ATP2B1: variants seen among roughly 807,000 people sequenced by gnomAD.
The protein encoded by ATP2B1 is plasma membrane calcium-transporting ATPase 1.
In ATP2B1, 14 loss-of-function variants were observed where a neutral mutation model predicts 124.2. The observed-to-expected ratio is 0.11, with a 90% confidence interval of 0.07 to 0.18. ATP2B1 has a LOEUF of 0.18. Among genes scored for constraint, ATP2B1 ranks in the 10% least tolerant of loss-of-function variants. The probability of loss-of-function intolerance (pLI) is 1.00; values close to 1 mark genes in which losing one functional copy is unlikely to be tolerated. For synonymous variants in ATP2B1, 449 were observed against 492.4 expected (o/e 0.91, Z 1.17); for missense variants, 763 against 1,466.1 (o/e 0.52, Z 7.83).
intron 12 of ATP2B1, among the ~76,000 whole-genome samples, chr12:89,613,407 T>A (rs1330987335): frequency 2.0e-5 from 3 of 152,196 alleles, no homozygotes; most frequent in Non-Finnish European, 2.9e-5. Flanking sequence ...TCTTAGTGAT[T>A]CAAATCATTG....
At chr12:89,705,535 T>C (rs1892348357) in intron 1 of ATP2B1, among the ~76,000 whole-genome samples, 1 of 152,132 alleles carries the variant, frequency 6.6e-6, no homozygotes, top group African/African-American at 2.4e-5. Context: ...AGAAGACCAA[T>C]AGTTATAAGT....
chr12:89,654,280 A>C (rs550712037), intron 2 of ATP2B1, among the ~76,000 whole-genome samples: 2 of 152,216 alleles, frequency 1.3e-5, no homozygotes, highest in Non-Finnish European at 2.9e-5. Context: ...ATTCAAGTCC[A>C]TGGGAACTGT....
intron 2 of ATP2B1, among the ~76,000 whole-genome samples, chr12:89,643,191 T>C (rs1001522230): frequency 6.6e-6 from 1 of 150,742 alleles, no homozygotes; most frequent in Non-Finnish European, 1.5e-5. Flanking sequence ...TGTATGTATA[T>C]ATGTATATAT....
In ATP2B1 at chr12:89,661,654, A is replaced by G. The variant is rs1239403582; in HGVS notation, c.-221-5547T>C. On this transcript the variant is annotated intron_variant, in intron 1 of 20. Transcript: ENST00000428670. ...TACTGACACCCTGACCATTAGATGC[A>G]CCATTTGACTAACAAAGAACTAAAA... Among the ~76,000 whole-genome samples the G allele has an allele frequency of 3.3e-5, 5 of 152,202 alleles. No individual in the cohort carries two copies. The East Asian group carries it at 7.7e-4, about 23-fold the overall frequency.
rs758301733 is a variant in ATP2B1 at position 89,603,700 on chromosome 12, C to T, written c.2848+12G>A. On this transcript the variant is annotated intron_variant, in intron 17 of 20. Coordinates refer to ENST00000428670, the MANE Select transcript of ATP2B1 (RefSeq NM_001366521.1). The surrounding 1 kb of genome is among the most constrained non-coding windows in gnomAD (Gnocchi z 4.3). The stretch of plus-strand genomic sequence containing the variant: ...CAATTAACTGAAGCTTTATTAGACA[C>T]TGAATTCTTACCAGCAAATAAGAGT... 1.4e-5 allele frequency: 22 copies of T among 1,605,682 alleles called. No homozygotes were observed. Among genetic ancestry groups the T allele is most frequent in the Non-Finnish European group, 1.7e-5 (20 of 1,172,572 alleles).
chr12:89,709,361 C>T (rs894988510), upstream of ATP2B1: 10 of 151,778 alleles, frequency 6.6e-5, no homozygotes, highest in Non-Finnish European at 7.4e-5. Context: ...AGCGCGGTCA[C>T]GTGACGCGAT....
intron 2 of ATP2B1, among the ~76,000 whole-genome samples, chr12:89,650,229 C>A (rs990306383): frequency 6.6e-6 from 1 of 152,180 alleles, no homozygotes; most frequent in Admixed American, 6.5e-5. Flanking sequence ...CAAGAAAGTA[C>A]ATAAAAATTT....
At chr12:89,601,883 C>A (rs968320894) in intron 18 of ATP2B1, among the ~76,000 whole-genome samples, 3 of 151,962 alleles carry the variant, frequency 2.0e-5, no homozygotes, top group African/African-American at 7.3e-5. Flanking sequence ...GAAAAATGCA[C>A]AATATTAAAA....
rs753203651 is a variant in ATP2B1, at chr12:89,611,246, G to A, written c.2194C>T (p.Leu732=). 57 of 1,610,812 alleles carry A rather than the reference G, an allele frequency of 3.5e-5. No homozygotes were observed. In the South Asian group the frequency reaches 5.9e-4, roughly 17 times the overall value. Residue 732 remains leucine (L), a synonymous_variant, in exon 13 of 21, where the codon CTG becomes TTG. Transcript: ENST00000428670. The part of the protein sequence containing the change: ...CGILHPGEDF[L]CLEGKDFNRR... ...TTAAAATCTTTACCTTCTAGGCACA[G>A]AAAATCTTCCCCAGGATGTAAAATA... is the stretch of plus-strand genomic sequence containing the variant.
chr12:89,666,723 T>G (rs1354659563), intron 1 of ATP2B1, among the ~76,000 whole-genome samples: 1 of 152,216 alleles, frequency 6.6e-6, no homozygotes, highest in Non-Finnish European at 1.5e-5. Flanking sequence ...TCAGAATTTT[T>G]TCTCAGTCAT....
At chr12:89,682,381 G>A (rs922700789) in intron 1 of ATP2B1, among the ~76,000 whole-genome samples, 1 of 152,030 alleles carries the variant, frequency 6.6e-6, no homozygotes, top group South Asian at 2.1e-4. Context: ...TAGGGGAAAC[G>A]AAACATGCAA....
chr12:89,630,215 G>A (rs980819764), intron 6 of ATP2B1, among the ~76,000 whole-genome samples: 3 of 152,094 alleles, frequency 2.0e-5, no homozygotes, highest in East Asian at 1.9e-4. Context: ...GAAAAAATCC[G>A]CCGTGAGAGT....
intron 20 of ATP2B1, among the ~76,000 whole-genome samples, chr12:89,596,045 G>A (rs1239709560): frequency 6.6e-6 from 1 of 152,026 alleles, no homozygotes; most frequent in Non-Finnish European, 1.5e-5. Flanking sequence ...GGGTGCAGAG[G>A]TGTGTGCATA....
chr12:89,704,484 C>T (rs1892214886), intron 1 of ATP2B1, among the ~76,000 whole-genome samples: 1 of 152,044 alleles, frequency 6.6e-6, no homozygotes, highest in Non-Finnish European at 1.5e-5. Flanking sequence ...CTTTCATAAA[C>T]TTACATAAAC....
intron 5 of ATP2B1, among the ~76,000 whole-genome samples, chr12:89,633,738 ACT>A (rs1882263448): frequency 6.6e-6 from 1 of 152,040 alleles, no homozygotes; most frequent in Non-Finnish European, 1.5e-5. Context: ...CACAGGTTTG[ACT>A]CTGGTTTCAG....
chr12:89,664,638 T>C (rs757394937), intron 1 of ATP2B1, among the ~76,000 whole-genome samples: 1 of 152,222 alleles, frequency 6.6e-6, no homozygotes, highest in Non-Finnish European at 1.5e-5. Flanking sequence ...CACAGATTCC[T>C]GAGCCTCACT....
At chr12:89,643,753 T>A (rs528116715) in intron 2 of ATP2B1, among the ~76,000 whole-genome samples, 1 of 152,364 alleles carries the variant, frequency 6.6e-6, no homozygotes, top group Admixed American at 6.5e-5. Flanking sequence ...AATGTAACAG[T>A]ACAGACAGCA....
intron 1 of ATP2B1, among the ~76,000 whole-genome samples, chr12:89,672,254 A>C (rs553664773): frequency 5.3e-5 from 8 of 152,302 alleles, no homozygotes; most frequent in African/African-American, 1.9e-4. Flanking sequence ...CAGGAGTTCA[A>C]GGGCAGCCTG....
chr12:89,705,167 A>G (rs867261195), intron 1 of ATP2B1, among the ~76,000 whole-genome samples: 11 of 152,082 alleles, frequency 7.2e-5, no homozygotes, highest in Non-Finnish European at 1.2e-4. Flanking sequence ...AAAAGCTAAA[A>G]AGTGAATTTT....
Sources: gnomAD v4.1 joint callset for allele counts (sites outside exome capture counted in the v4.1 genomes callset) on GRCh38, gnomAD v4.1.1 for gene constraint, Gnocchi (gnomAD v3.1) non-coding constraint, MANE v1.5 for transcripts, NCBI Gene and HGNC (gene_info 2026-07-23, HGNC 2026-07-21) for gene names.